The following GARRE1 variants were observed in gnomAD, a reference collection of about 807,000 sequenced individuals.
GARRE1 encodes granule associated Rac and RHOG effector 1.
GARRE1 carries 49 observed loss-of-function variants against 103.2 expected under a neutral mutation model. The ratio of observed to expected loss-of-function variants is 0.47; its 90% CI spans 0.38 to 0.60. The LOEUF (loss-of-function observed/expected upper bound fraction) is 0.60. GARRE1 is among the 20% of genes least tolerant of loss of function. GARRE1 has a pLI of 0.00. For synonymous variants in GARRE1, 505 were observed against 532.8 expected (o/e 0.95, Z 0.72); for missense variants, 1,199 against 1,370.5 (o/e 0.87, Z 1.98).
chr19:34,266,374 T>G (rs1459793731), intron 1 of GARRE1, among the ~76,000 whole-genome samples: 1 of 152,340 alleles, frequency 6.6e-6, no homozygotes, highest in African/African-American at 2.4e-5. Context: ...TCTGTTGTTT[T>G]TTTTGAGACA....
intron 2 of GARRE1, among the ~76,000 whole-genome samples, chr19:34,303,896 T>G (rs117622261): frequency 0.015 from 2,228 of 152,132 alleles, 24 homozygotes; most frequent in South Asian, 0.026. Flanking sequence ...GATTTACAGG[T>G]GTAAGCCACC....
At chr19:34,329,017 A>C (rs2074125575) in intron 6 of GARRE1, among the ~76,000 whole-genome samples, 1 of 152,234 alleles carries the variant, frequency 6.6e-6, no homozygotes, top group Non-Finnish European at 1.5e-5. Flanking sequence ...GTATGAATTA[A>C]ATAAGAAGAG....
chr19:34,350,881 G>A (rs973300075), intron 12 of GARRE1, among the ~76,000 whole-genome samples: 2 of 151,418 alleles, frequency 1.3e-5, no homozygotes, highest in African/African-American at 4.8e-5. Context: ...GCACCCGGCC[G>A]GAAACAGTAT....
intron 11 of GARRE1, chr19:34,348,737 C>T (rs1047823286): frequency 1.5e-5 from 6 of 404,356 alleles, no homozygotes; most frequent in Middle Eastern, 7.2e-4. Context: ...GCCCAGCATC[C>T]ATTAGCTATT....
Position 34,341,756 on chromosome 19 carries a change from CAG to C in GARRE1, c.1824_1825del (p.Asn609PhefsTer3). 6.2e-7 allele frequency: 1 copy of C among 1,614,204 alleles called. No individual in the cohort carries two copies. The highest frequency in any genetic ancestry group is 8.5e-7 in the Non-Finnish European group (1 of 1,180,032). On this transcript the variant is annotated frameshift_variant, in exon 10 of 14. Transcript: ENST00000299505. LOFTEE classifies it high-confidence loss of function. Reference sequence around the variant, plus strand: ...GACTACAGACCCTTCACAGTCAGCTCAGAATTCCAGTAATACAGTGGCCAATG... The same window carrying C: ...GACTACAGACCCTTCACAGTCAGCTCAATTCCAGTAATACAGTGGCCAATG... ...PRTTDPSQSA[Q>X]NSSNTVANGF...
At chr19:34,326,734 A>G (rs1211444771) in intron 3 of GARRE1, among the ~76,000 whole-genome samples, 1 of 152,054 alleles carries the variant, frequency 6.6e-6, no homozygotes, top group East Asian at 1.9e-4. Flanking sequence ...TATTCTAGGT[A>G]ACCTGTCTTT....
chr19:34,350,099 T>C (rs2074229357), intron 12 of GARRE1, among the ~76,000 whole-genome samples: 1 of 152,128 alleles, frequency 6.6e-6, no homozygotes, highest in Non-Finnish European at 1.5e-5. Context: ...GGCTAGGTGC[T>C]CTGAAGGAAA....
At chr19:34,336,368 A>G (rs1275015814) in intron 8 of GARRE1, among the ~76,000 whole-genome samples, 1 of 152,154 alleles carries the variant, frequency 6.6e-6, no homozygotes, top group African/African-American at 2.4e-5. Flanking sequence ...TTTCATTTCT[A>G]TCAAACAGTA....
At chr19:34,288,625 C>T (rs147270035) in intron 1 of GARRE1, among the ~76,000 whole-genome samples, 308 of 152,348 alleles carry the variant, frequency 2.0e-3, no homozygotes, top group African/African-American at 6.9e-3. Flanking sequence ...CACCTCTGGC[C>T]TTTGATGGTG....
At chr19:34,315,173 T>C (rs578121912) in intron 2 of GARRE1, among the ~76,000 whole-genome samples, 4 of 152,342 alleles carry the variant, frequency 2.6e-5, no homozygotes, top group Admixed American at 2.6e-4. Flanking sequence ...AAAGATGAAC[T>C]TGAGTTCATG....
chr19:34,326,646 C>CT (rs1177080734), intron 3 of GARRE1, among the ~76,000 whole-genome samples: 1 of 150,336 alleles, frequency 6.7e-6, no homozygotes, highest in African/African-American at 2.4e-5. Context: ...TTCATGTGGT[C>CT]TTTTCCTTCA....
In GARRE1 at chr19:34,300,224, G is replaced by C. The variant is rs1473158354; in HGVS notation, c.-250G>C. The C allele has an allele frequency of 7.1e-6, 3 of 422,862 alleles. No individual in the cohort carries two copies. Among genetic ancestry groups the C allele is most frequent in the Non-Finnish European group, 1.3e-5 (3 of 239,640 alleles). The allele number at this position is 422,862 out of a possible 1,614,324, so 26.2% of individuals were successfully genotyped here. On this transcript the variant is annotated 5_prime_UTR_variant, in exon 2 of 14. Transcript: ENST00000299505. ...TAGTAAGAGAGTGGAATGCTAAACA[G>C]TTCTTATCCAGCATTTTGGACATCT...
intron 1 of GARRE1, among the ~76,000 whole-genome samples, chr19:34,265,225 C>T (rs2145953710): frequency 6.6e-6 from 1 of 152,264 alleles, no homozygotes; most frequent in South Asian, 2.1e-4. Flanking sequence ...CCCCCGGTCC[C>T]CGAGGTGGAT....
intron 9 of GARRE1, 56 bp downstream of exon 9, chr19:34,340,048 A>G: frequency 6.3e-7 from 1 of 1,587,418 alleles, no homozygotes; most frequent in Non-Finnish European, 8.6e-7. Flanking sequence ...GACTATGCAC[A>G]GTTTCATGTG....
chr19:34,267,522 A>G (rs947471415), intron 1 of GARRE1, among the ~76,000 whole-genome samples: 1 of 151,984 alleles, frequency 6.6e-6, no homozygotes, highest in Non-Finnish European at 1.5e-5. Flanking sequence ...CTGTCTTTAA[A>G]AAAATAAGTA....
At chr19:34,266,315 C>T (rs2073751106) in intron 1 of GARRE1, among the ~76,000 whole-genome samples, 2 of 152,146 alleles carry the variant, frequency 1.3e-5, no homozygotes, top group African/African-American at 4.8e-5. Context: ...TAATGTTTGA[C>T]CTGATGAAAT....
chr19:34,301,495 C>T (rs1370099857), intron 2 of GARRE1, among the ~76,000 whole-genome samples: 1 of 113,290 alleles, frequency 8.8e-6, no homozygotes, highest in African/African-American at 3.5e-5. Flanking sequence ...GCCTGGACGG[C>T]AGAGTGAGAC....
rs2145291731 is a variant in GARRE1, at chr19:34,353,383, C to T, written c.*428C>T. ...GAAACCCTCTCCTCCCTCCTCCACA[C>T]CTTGAGTGATGACCACACCAATCAC... On this transcript the variant is annotated 3_prime_UTR_variant, in exon 14 of 14. Transcript: ENST00000299505. 5.2e-6 allele frequency: 1 copy of T among 192,286 alleles called. No individual in the cohort carries two copies. The highest frequency in any genetic ancestry group is 1.2e-4 in the East Asian group (1 of 8,008). The allele number at this position is 192,286 out of a possible 1,614,324, so 11.9% of individuals were successfully genotyped here. A position where few individuals can be genotyped will look rare whatever the true frequency, so the allele number is the denominator to read the frequency against.
In GARRE1 at chr19:34,353,368, C is replaced by G. The variant is rs1380695722; in HGVS notation, c.*413C>G. ...ACTGACCATTTTTTGGAAACCCTCT[C>G]CTCCCTCCTCCACACCTTGAGTGAT... On this transcript the variant is annotated 3_prime_UTR_variant, in exon 14 of 14. Transcript: ENST00000299505. 1 of 202,932 alleles carries G rather than the reference C, an allele frequency of 4.9e-6. No individual in the cohort carries two copies. Among genetic ancestry groups the G allele is most frequent in the Non-Finnish European group, 9.9e-6 (1 of 101,066 alleles). The allele number at this position is 202,932 out of a possible 1,614,324, so 12.6% of individuals were successfully genotyped here. A position where few individuals can be genotyped will look rare whatever the true frequency, so the allele number is the denominator to read the frequency against.
Sources: gnomAD v4.1 joint callset for allele counts (sites outside exome capture counted in the v4.1 genomes callset) on GRCh38, gnomAD v4.1.1 for gene constraint, MANE v1.5 for transcripts, NCBI Gene and HGNC (gene_info 2026-07-23, HGNC 2026-07-21) for gene names.